BRINP2: variants seen among roughly 807,000 people sequenced by gnomAD.
BRINP2 encodes the protein BMP/retinoic acid inducible neural specific 2.
A neutral mutation model predicts 69.2 loss-of-function variants in BRINP2; 21 were observed. That is an observed-to-expected ratio of 0.30 (90% CI 0.22 to 0.44). The LOEUF (loss-of-function observed/expected upper bound fraction) is 0.44, where lower values mean the gene tolerates loss of function less well. Among genes scored for constraint, BRINP2 ranks in the 20% least tolerant of loss-of-function variants. The probability of loss-of-function intolerance (pLI) is 1.00; values close to 1 mark genes in which losing one functional copy is unlikely to be tolerated. For synonymous variants in BRINP2, 380 were observed against 394.1 expected (o/e 0.96, Z 0.42); for missense variants, 877 against 986.0 (o/e 0.89, Z 1.48).
At position 177,221,423 on chromosome 1, in the gene BRINP2, C is replaced by G. The variant is rs568685043; in HGVS notation, c.-76-8378C>G. On this transcript the variant is annotated intron_variant, in intron 1 of 7. Transcript: ENST00000361539. Reference sequence around the variant, plus strand: ...AGCTCTAGGCTTAGTGTTAAGAGACCCAAGTTCAAGTCCTCACTTTTCCCC... The same window carrying G: ...AGCTCTAGGCTTAGTGTTAAGAGACGCAAGTTCAAGTCCTCACTTTTCCCC... 3.9e-5 allele frequency among the ~76,000 whole-genome samples: 6 copies of G among 152,148 alleles called. No individual in the cohort carries two copies. The East Asian group carries it at 1.2e-3, about 29-fold the overall frequency.
chr1:177,210,188 A>G (rs1020090202), intron 1 of BRINP2, among the ~76,000 whole-genome samples: 1 of 152,324 alleles, frequency 6.6e-6, no homozygotes, highest in Non-Finnish European at 1.5e-5. Context: ...CAGCCTAACA[A>G]GTTAATATTT....
At chr1:177,199,727 T>C (rs554592860) in intron 1 of BRINP2, among the ~76,000 whole-genome samples, 2 of 152,190 alleles carry the variant, frequency 1.3e-5, no homozygotes, top group African/African-American at 2.4e-5. Flanking sequence ...GTTTTGTTGA[T>C]GTACAAAAGC....
chr1:177,257,424 C>A (rs951663846), intron 4 of BRINP2, 40 bp downstream of exon 4: 2 of 1,534,440 alleles, frequency 1.3e-6, no homozygotes, highest in South Asian at 1.2e-5. Context: ...ATGGGGGAAG[C>A]ACTGAGGAAC....
In BRINP2 at chr1:177,281,095, A is replaced by C; in HGVS notation, c.1919A>C (p.Glu640Ala). ...GGGAATAGGTGGAAGACTTTCTTTG[A>C]GACAGTTCATGTTTACCTACGGAGC... ...TLGNRWKTFF[E>A]TVHVYLRSRI... Residue 640 changes from glutamate to alanine, a missense_variant, in exon 8 of 8, where the codon GAG becomes GCG. By Grantham distance (107) the Glu-to-Ala change is moderately radical. Transcript: ENST00000361539. 1 of 1,614,242 alleles carries C rather than the reference A, an allele frequency of 6.2e-7. No homozygotes were observed. Among genetic ancestry groups the C allele is most frequent in the Non-Finnish European group, 8.5e-7 (1 of 1,180,046 alleles).
At chr1:177,253,883 T>C (rs981416795) in intron 2 of BRINP2, among the ~76,000 whole-genome samples, 1 of 152,164 alleles carries the variant, frequency 6.6e-6, no homozygotes, top group Non-Finnish European at 1.5e-5. Context: ...TTGCATTTCA[T>C]GGACATTTGG....
intron 1 of BRINP2, among the ~76,000 whole-genome samples, chr1:177,174,405 C>G (rs1336860307): frequency 1.3e-5 from 2 of 152,216 alleles, no homozygotes; most frequent in African/African-American, 2.4e-5. Context: ...GGCCTTTGCC[C>G]TTGCCTTCAG....
intron 1 of BRINP2, among the ~76,000 whole-genome samples, chr1:177,181,734 G>C (rs1391773579): frequency 2.6e-5 from 4 of 152,200 alleles, no homozygotes; most frequent in Non-Finnish European, 4.4e-5. Flanking sequence ...CGGCTGGCGG[G>C]GTCTTGGGAG....
rs74594338 is a variant in BRINP2 at position 177,217,272 on chromosome 1, G to A, written c.-76-12529G>A. On this transcript the variant is annotated intron_variant, in intron 1 of 7. Coordinates refer to ENST00000361539, the MANE Select transcript of BRINP2 (RefSeq NM_021165.4). ...TTCATGTTTACTGATTTCTCAGCTT[G>A]ATAAAGTCAGCTGTTGAAGCTTTCT... is the stretch of plus-strand genomic sequence containing the variant. Among the ~76,000 whole-genome samples the A allele has an allele frequency of 5.6e-3, 847 of 151,984 alleles. 11 individuals carry two copies. Among genetic ancestry groups the A allele is most frequent in the African/African-American group, 0.019 (776 of 41,446 alleles).
intron 2 of BRINP2, among the ~76,000 whole-genome samples, chr1:177,249,384 C>T (rs1650508406): frequency 6.6e-6 from 1 of 152,208 alleles, no homozygotes; most frequent in African/African-American, 2.4e-5. Flanking sequence ...ATGCATTTTA[C>T]AGGCAAAGTC....
At chr1:177,187,881 A>G (rs1163011873) in intron 1 of BRINP2, among the ~76,000 whole-genome samples, 1 of 152,232 alleles carries the variant, frequency 6.6e-6, no homozygotes, top group Non-Finnish European at 1.5e-5. Context: ...GTAATTTAAA[A>G]GATTAAAAAA....
intron 1 of BRINP2, among the ~76,000 whole-genome samples, chr1:177,215,705 T>G (rs1045866326): frequency 6.6e-6 from 1 of 152,158 alleles, no homozygotes; most frequent in Non-Finnish European, 1.5e-5. Flanking sequence ...CCCTTATTGG[T>G]GTAATAAGGA....
At chr1:177,268,356 T>A (rs1036636195) in intron 4 of BRINP2, among the ~76,000 whole-genome samples, 1 of 152,198 alleles carries the variant, frequency 6.6e-6, no homozygotes, top group Non-Finnish European at 1.5e-5. Flanking sequence ...CTTCCTCTAC[T>A]CAGCAGCTGG....
intron 1 of BRINP2, among the ~76,000 whole-genome samples, chr1:177,224,050 G>C (rs925311524): frequency 6.6e-6 from 1 of 152,166 alleles, no homozygotes; most frequent in East Asian, 1.9e-4. Context: ...CCACAGATCT[G>C]AGCTGATAGC....
intron 1 of BRINP2, among the ~76,000 whole-genome samples, chr1:177,179,531 T>C (rs2102287710): frequency 6.6e-6 from 1 of 151,906 alleles, no homozygotes; most frequent in South Asian, 2.1e-4. Flanking sequence ...TCAGAAGGTG[T>C]CCAGTATGCT....
intron 1 of BRINP2, among the ~76,000 whole-genome samples, chr1:177,183,449 G>T (rs1239792495): frequency 6.6e-6 from 1 of 152,182 alleles, no homozygotes; most frequent in East Asian, 1.9e-4. Context: ...CAATATCTTT[G>T]TTAGGGCTTT....
intron 1 of BRINP2, among the ~76,000 whole-genome samples, chr1:177,198,436 G>GCA (rs1047032505): frequency 3.3e-5 from 5 of 152,110 alleles, no homozygotes; most frequent in African/African-American, 4.8e-5. Context: ...GATTGTATAT[G>GCA]CACACACACA....
intron 1 of BRINP2, among the ~76,000 whole-genome samples, chr1:177,183,736 A>T (rs1277748048): frequency 2.0e-5 from 3 of 152,216 alleles, no homozygotes. Context: ...GACGTGGTGA[A>T]CCATCATATT....
chr1:177,200,249 G>A (rs371545442), intron 1 of BRINP2, among the ~76,000 whole-genome samples: 12 of 121,398 alleles, frequency 9.9e-5, no homozygotes, highest in South Asian at 2.8e-4. Flanking sequence ...CTGAGATTGC[G>A]CCCTTGCTCT....
At chr1:177,238,680 C>T (rs1353408679) in intron 2 of BRINP2, among the ~76,000 whole-genome samples, 2 of 152,152 alleles carry the variant, frequency 1.3e-5, no homozygotes, top group Non-Finnish European at 2.9e-5. Flanking sequence ...CTCCCCAATT[C>T]TCCCATGGGA....
Sources: allele counts gnomAD v4.1 joint callset (sites outside exome capture counted in the v4.1 genomes callset), GRCh38; gene constraint gnomAD v4.1.1; transcripts MANE v1.5; gene names NCBI Gene and HGNC (gene_info 2026-07-23, HGNC 2026-07-21).